ABTB2: variants seen among roughly 807,000 people sequenced by gnomAD.
ABTB2 encodes ankyrin repeat and BTB/POZ domain-containing protein 2.
Under a neutral mutation model 104.1 loss-of-function variants are expected in ABTB2, and 56 were observed. The observed-to-expected ratio is 0.54, with a 90% CI of 0.43 to 0.67. ABTB2 has a LOEUF of 0.67. Among genes scored for constraint, ABTB2 ranks in the 30% least tolerant of loss-of-function variants. ABTB2 has a pLI of 0.00. For synonymous variants in ABTB2, 606 were observed against 608.2 expected (o/e 1.00, Z 0.05); for missense variants, 1,279 against 1,407.7 (o/e 0.91, Z 1.46).
chr11:34,351,910 G>C (rs1003555058), intron 1 of ABTB2, among the ~76,000 whole-genome samples: 1 of 151,226 alleles, frequency 6.6e-6, no homozygotes, highest in Non-Finnish European at 1.5e-5. Flanking sequence ...TTAAGGCTAG[G>C]GTTGCCTTTC....
rs191719062 is a variant in ABTB2 at position 34,204,767 on chromosome 11, G to A, written c.884-77C>T. 1.1e-5 allele frequency: 16 copies of A among 1,492,062 alleles called. No individual in the cohort carries two copies. In the Admixed American group the frequency reaches 1.2e-4, roughly 11 times the overall value. 92.4% of individuals were successfully genotyped at this position (1,492,062 alleles called of 1,614,324 possible). A position where few individuals can be genotyped will look rare whatever the true frequency, so the allele number is the denominator to read the frequency against. On this transcript the variant is annotated intron_variant, in intron 1 of 16. Transcript: ENST00000435224. ...GTGGGCCCCAGCCTGCTGCAGGCAGGGCTCAGCCCTGCTCCCCTGCTCTTG... is the reference window on the plus strand; with the variant it reads ...GTGGGCCCCAGCCTGCTGCAGGCAGAGCTCAGCCCTGCTCCCCTGCTCTTG...
intron 1 of ABTB2, among the ~76,000 whole-genome samples, chr11:34,316,258 G>A (rs1325910840): frequency 6.6e-6 from 1 of 152,192 alleles, no homozygotes; most frequent in African/African-American, 2.4e-5. Context: ...ACAGTGGCAC[G>A]GATCATACGG....
chr11:34,233,724 T>G (rs1853805149), intron 1 of ABTB2, among the ~76,000 whole-genome samples: 1 of 152,066 alleles, frequency 6.6e-6, no homozygotes, highest in African/African-American at 2.4e-5. Context: ...GAATAAAGTT[T>G]CTTTTAATAC....
chr11:34,258,605 CTTTTTTTTTTTTTTT>C, intron 1 of ABTB2, among the ~76,000 whole-genome samples: 1 of 95,166 alleles, frequency 1.1e-5, no homozygotes, highest in Admixed American at 1.1e-4. Flanking sequence ...AGTGCCTGCT[CTTTTTTTTTTTTTTT>C]TTTTTTTTGA....
In ABTB2 at chr11:34,357,830, A is replaced by C; in HGVS notation, c.-247T>G. On this transcript the variant is annotated 5_prime_UTR_variant, in exon 1 of 17. Coordinates refer to ENST00000435224, the MANE Select transcript of ABTB2 (RefSeq NM_145804.3). ...TGCCACTGGAAAGAACCCCGTCGCT[A>C]CCCCCCGGCACTCCCCCTTGTCCAC... 1 of 481,008 alleles carries C rather than the reference A, an allele frequency of 2.1e-6. No homozygotes were observed. Among genetic ancestry groups the C allele is most frequent in the Non-Finnish European group, 3.7e-6 (1 of 271,758 alleles). The allele number at this position is 481,008 out of a possible 1,614,324, so 29.8% of individuals were successfully genotyped here.
chr11:34,188,539 C>T (rs541913622), intron 3 of ABTB2, among the ~76,000 whole-genome samples: 22 of 152,220 alleles, frequency 1.4e-4, no homozygotes, highest in African/African-American at 3.4e-4. Flanking sequence ...GGGGAATACA[C>T]GGAAACAAGT....
At chr11:34,285,613 C>T (rs1854496524) in intron 1 of ABTB2, among the ~76,000 whole-genome samples, 1 of 152,162 alleles carries the variant, frequency 6.6e-6, no homozygotes, top group Admixed American at 6.5e-5. Flanking sequence ...GCTGGGAACA[C>T]AGGGGCCTGC....
At chr11:34,223,687 G>A (rs1853654009) in intron 1 of ABTB2, among the ~76,000 whole-genome samples, 1 of 152,148 alleles carries the variant, frequency 6.6e-6, no homozygotes, top group Admixed American at 6.5e-5. Flanking sequence ...CCTGCGCCCC[G>A]GCATCAGCCT....
intron 9 of ABTB2, among the ~76,000 whole-genome samples, chr11:34,164,206 G>A (rs1444389427): frequency 6.6e-6 from 1 of 152,112 alleles, no homozygotes; most frequent in African/African-American, 2.4e-5. Context: ...GCCTGCTGCT[G>A]TCCCGCCACA....
Position 34,159,969 on chromosome 11 carries a change from G to A in ABTB2, c.2543C>T (p.Thr848Ile). Residue 848 changes from threonine (T) to isoleucine (I), a missense_variant, in exon 13 of 17, where the codon ACC becomes ATC. Coordinates refer to ENST00000435224, the MANE Select transcript of ABTB2 (RefSeq NM_145804.3). ...FLNNKEMSDV[T>I]FLVEGKLFYA... Reference sequence around the variant, plus strand: ...AAACAGCTTTCCTTCCACCAGGAAGGTCACATCTGACATCTCCTTATTGTT... The same window carrying A: ...AAACAGCTTTCCTTCCACCAGGAAGATCACATCTGACATCTCCTTATTGTT... The A allele has an allele frequency of 1.9e-6, 3 of 1,613,966 alleles. No individual in the cohort carries two copies. The highest frequency in any genetic ancestry group is 2.5e-6 in the Non-Finnish European group (3 of 1,179,968).
At position 34,187,704 on chromosome 11, in the gene ABTB2, G is replaced by C. The variant is rs572007884; in HGVS notation, c.1244+9621C>G. On this transcript the variant is annotated intron_variant, in intron 3 of 16. Transcript: ENST00000435224. ...AGATGGGGTCTCACTATTTTGCCCA[G>C]GCTTGTCTTGAACTCCTAAAGTGAT... Among the ~76,000 whole-genome samples the C allele has an allele frequency of 8.3e-4, 126 of 152,022 alleles. 1 individual carries two copies. The highest frequency in any genetic ancestry group is 3.4e-3 in the Middle Eastern group (1 of 294).
chr11:34,230,056 C>T (rs576596359), intron 1 of ABTB2, among the ~76,000 whole-genome samples: 25 of 152,314 alleles, frequency 1.6e-4, no homozygotes, highest in African/African-American at 5.8e-4. Context: ...CAGCTACCTG[C>T]CAGGCAATGG....
intron 3 of ABTB2, chr11:34,189,304 T>C (rs908241129): frequency 2.0e-5 from 3 of 152,080 alleles, no homozygotes; most frequent in Non-Finnish European, 1.5e-5. Context: ...AAAAGAAATA[T>C]ATATATAATA....
chr11:34,320,745 T>TC (rs1204014503), intron 1 of ABTB2, among the ~76,000 whole-genome samples: 1 of 152,200 alleles, frequency 6.6e-6, no homozygotes, highest in Non-Finnish European at 1.5e-5. Context: ...CCCTGGGCAA[T>TC]CCCAGCTCAC....
chr11:34,307,758 G>A (rs1041678197), intron 1 of ABTB2, among the ~76,000 whole-genome samples: 1 of 151,640 alleles, frequency 6.6e-6, no homozygotes, highest in African/African-American at 2.4e-5. Flanking sequence ...GAGTGCAGTG[G>A]TGCGATCTCG....
At chr11:34,195,602 CTT>C (rs1365863719) in intron 3 of ABTB2, among the ~76,000 whole-genome samples, 1 of 152,212 alleles carries the variant, frequency 6.6e-6, no homozygotes, top group Non-Finnish European at 1.5e-5. Context: ...TTATATTCCT[CTT>C]AGTGACAGGA....
chr11:34,172,463 T>TAGAC (rs1189006552), intron 4 of ABTB2, among the ~76,000 whole-genome samples: 21 of 97,852 alleles, frequency 2.1e-4, no homozygotes, highest in African/African-American at 8.3e-4. Flanking sequence ...GATAGATAGA[T>TAGAC]AGATAGATAG....
intron 4 of ABTB2, 43 bp from the exon 5 acceptor site, chr11:34,171,114 C>T: frequency 6.3e-7 from 1 of 1,590,448 alleles, no homozygotes; most frequent in Non-Finnish European, 8.6e-7. Context: ...TGTATGCAGA[C>T]AGCAACTTTC....
At chr11:34,177,833 C>G (rs1199923690) in intron 3 of ABTB2, among the ~76,000 whole-genome samples, 2 of 152,120 alleles carry the variant, frequency 1.3e-5, no homozygotes, top group African/African-American at 4.8e-5. Context: ...CCCCAAAATG[C>G]TGGGATTACA....
Sources: allele counts gnomAD v4.1 joint callset (sites outside exome capture counted in the v4.1 genomes callset), GRCh38; gene constraint gnomAD v4.1.1; transcripts MANE v1.5; gene names NCBI Gene and HGNC (gene_info 2026-07-23, HGNC 2026-07-21).